Variants in ATP6V0A1 observed in about 807,000 individuals in gnomAD.
ATP6V0A1 encodes V-type proton ATPase 116 kDa subunit a 1.
In ATP6V0A1, 43 loss-of-function variants were observed where a neutral mutation model predicts 105.4. That is an observed-to-expected ratio of 0.41 (90% CI 0.32 to 0.53). The LOEUF (loss-of-function observed/expected upper bound fraction) is 0.53. Among genes scored for constraint, ATP6V0A1 ranks in the 20% least tolerant of loss-of-function variants. The probability of loss-of-function intolerance (pLI) is 0.30; values close to 1 mark genes in which losing one functional copy is unlikely to be tolerated. For missense variants in ATP6V0A1, 676 were observed against 1,051.1 expected (o/e 0.64, Z 4.93); for synonymous variants, 362 against 372.8 (o/e 0.97, Z 0.33).
At chr17:42,469,292 T>TTGACTTCTACAA (rs2087534620) in intron 4 of ATP6V0A1, among the ~76,000 whole-genome samples, 1 of 152,116 alleles carries the variant, frequency 6.6e-6, no homozygotes, top group Non-Finnish European at 1.5e-5. Flanking sequence ...GACTATTTTT[T>TTGACTTCTACAA]TGACTTCTAC....
At chr17:42,493,427 G>A (rs772015904) in intron 11 of ATP6V0A1, among the ~76,000 whole-genome samples, 6 of 152,134 alleles carry the variant, frequency 3.9e-5, no homozygotes, top group Non-Finnish European at 5.9e-5. Flanking sequence ...AGGGTCCCAC[G>A]AGTTACAAGA....
At chr17:42,502,583 A>G (rs959344174) in intron 17 of ATP6V0A1, among the ~76,000 whole-genome samples, 1 of 152,160 alleles carries the variant, frequency 6.6e-6, no homozygotes, top group Non-Finnish European at 1.5e-5. Context: ...CTTACTTTAC[A>G]CTGCCTGGGA....
chr17:42,478,167 C>A (rs2088996885), intron 6 of ATP6V0A1, among the ~76,000 whole-genome samples: 1 of 135,274 alleles, frequency 7.4e-6, no homozygotes, highest in East Asian at 2.2e-4. Context: ...ACAATGAGAA[C>A]ACTTGGACAC....
At chr17:42,490,336 T>C (rs1465432419) in intron 10 of ATP6V0A1, 151 bp from the exon 11 acceptor site, 1 of 641,360 alleles carries the variant, frequency 1.6e-6, no homozygotes, top group Non-Finnish European at 2.3e-6. Flanking sequence ...TTTTTAGGTT[T>C]ATTAGTTTTA....
chr17:42,506,198 A>T (rs1329521380), intron 17 of ATP6V0A1, among the ~76,000 whole-genome samples: 1 of 152,188 alleles, frequency 6.6e-6, no homozygotes, highest in Non-Finnish European at 1.5e-5. Context: ...CTTCACAATG[A>T]TTATACAATT....
chr17:42,488,201 T>C (rs2090296355), intron 10 of ATP6V0A1, among the ~76,000 whole-genome samples: 1 of 152,142 alleles, frequency 6.6e-6, no homozygotes, highest in Non-Finnish European at 1.5e-5. Context: ...CTTTGAAGAA[T>C]GATAAGTTGT....
intron 2 of ATP6V0A1, 140 bp downstream of exon 2, chr17:42,461,151 T>C: frequency 1.4e-6 from 1 of 738,894 alleles, no homozygotes; most frequent in East Asian, 2.6e-5. Flanking sequence ...AATGCACATT[T>C]TGAGTTGTCT....
chr17:42,487,205 T>C lies in ATP6V0A1; in HGVS notation c.861T>C (p.Ala287=), dbSNP rs201584527. The C allele has an allele frequency of 1.2e-6, 2 of 1,614,150 alleles. No individual in the cohort carries two copies. The highest frequency in any genetic ancestry group is 2.2e-5 in the East Asian group (1 of 44,884). Residue 287 remains alanine (A), a synonymous_variant, in exon 10 of 22, where the codon GCT becomes GCC. Transcript: ENST00000343619. ...GCCAGAGGGTTCTGCAGGCAGCTGC[T>C]AAGAACATCCGTGTCTGGTTCATCA... ...DHRQRVLQAA[A]KNIRVWFIKV...
At chr17:42,501,563 C>T (rs530348509) in intron 17 of ATP6V0A1, among the ~76,000 whole-genome samples, 4 of 151,958 alleles carry the variant, frequency 2.6e-5, no homozygotes, top group South Asian at 2.1e-4. Context: ...TATAGGTGTA[C>T]GCCACCACAC....
chr17:42,516,472 A>AC, intron 21 of ATP6V0A1, among the ~76,000 whole-genome samples: 1 of 151,670 alleles, frequency 6.6e-6, no homozygotes, highest in Non-Finnish European at 1.5e-5. Context: ...TTATCAGCCG[A>AC]CCCCCGCAAG....
chr17:42,479,877 A>G (rs111619236), intron 7 of ATP6V0A1, among the ~76,000 whole-genome samples: 10 of 152,386 alleles, frequency 6.6e-5, no homozygotes, highest in African/African-American at 2.4e-4. Flanking sequence ...CAACAAATCC[A>G]GAAATGGGGA....
intron 10 of ATP6V0A1, 134 bp from the exon 11 acceptor site, chr17:42,490,353 T>A: frequency 1.3e-6 from 1 of 771,540 alleles, no homozygotes; most frequent in Non-Finnish European, 1.9e-6. Flanking sequence ...TTTATTGAGA[T>A]ATAATTTACA....
chr17:42,490,711 CAG>C (rs1357128801), intron 11 of ATP6V0A1, 74 bp downstream of exon 11: 13 of 1,473,852 alleles, frequency 8.8e-6, no homozygotes, highest in Non-Finnish European at 9.2e-6. Context: ...TGTTTTGAGA[CAG>C]AGTCTCCCTC....
chr17:42,466,114 T>C (rs1428064930), intron 2 of ATP6V0A1, among the ~76,000 whole-genome samples: 3 of 152,222 alleles, frequency 2.0e-5, no homozygotes, highest in Admixed American at 2.0e-4. Context: ...TTCTGTGATA[T>C]TCATTGCCCA....
intron 16 of ATP6V0A1, 45 bp downstream of exon 16, chr17:42,500,968 T>C (rs1392260781): frequency 6.4e-7 from 1 of 1,567,456 alleles, no homozygotes; most frequent in Admixed American, 1.7e-5. Context: ...TTATACTTGA[T>C]CAGGAAGCCA....
intron 21 of ATP6V0A1, chr17:42,520,221 C>A (rs367974585): frequency 2.8e-6 from 1 of 352,750 alleles, no homozygotes; most frequent in South Asian, 2.2e-5. Flanking sequence ...TTTTTATCCC[C>A]TGAATCATGC....
rs571668726 is a variant in ATP6V0A1, at chr17:42,478,813, C to T, written c.633+224C>T. ...ACATATACATATTTTCAAGTTTACC[C>T]GTGTAGATGTTATTCTGATTGGAAA... On this transcript the variant is annotated intron_variant, in intron 7 of 21. Coordinates refer to ENST00000343619, the MANE Select transcript of ATP6V0A1 (RefSeq NM_001130021.3). The T allele has an allele frequency of 6.9e-4, 185 of 267,358 alleles. 2 individuals carry two copies. Among genetic ancestry groups the T allele is most frequent in the South Asian group, 2.9e-3 (19 of 6,464 alleles). The allele number at this position is 267,358 out of a possible 1,614,324, so 16.6% of individuals were successfully genotyped here.
chr17:42,472,769 CTT>C (rs1381682864), intron 5 of ATP6V0A1, among the ~76,000 whole-genome samples: 5 of 152,102 alleles, frequency 3.3e-5, no homozygotes, highest in Non-Finnish European at 1.5e-5. Context: ...AAATTTTTCT[CTT>C]TTGAGGGGAG....
intron 5 of ATP6V0A1, among the ~76,000 whole-genome samples, chr17:42,475,989 A>T (rs2088679290): frequency 1.3e-5 from 2 of 152,190 alleles, no homozygotes; most frequent in Non-Finnish European, 2.9e-5. Flanking sequence ...CTTGTGAGAC[A>T]GGCAGGCAAG....
Sources: allele counts gnomAD v4.1 joint callset (sites outside exome capture counted in the v4.1 genomes callset), GRCh38; gene constraint gnomAD v4.1.1; transcripts MANE v1.5; gene names NCBI Gene and HGNC (gene_info 2026-07-23, HGNC 2026-07-21).